The following HPF1 variants were observed in gnomAD, a reference collection of about 807,000 sequenced individuals.
HPF1 encodes the protein histone PARylation factor 1, also known as UPF0609 protein C4orf27.
HPF1 carries 35 observed loss-of-function variants against 38.8 expected under a neutral mutation model. That is an observed-to-expected ratio of 0.90 (90% CI 0.69 to 1.19). The LOEUF (loss-of-function observed/expected upper bound fraction) is 1.19, where lower values mean the gene tolerates loss of function less well. HPF1 is among the 50% of genes most tolerant of loss of function. HPF1 has a pLI of 0.00. For missense variants in HPF1, 367 were observed against 405.8 expected (o/e 0.90, Z 0.82); for synonymous variants, 115 against 139.2 (o/e 0.83, Z 1.22).
chr4:169,745,247 C>T (rs1252412893), intron 4 of HPF1, among the ~76,000 whole-genome samples: 2 of 152,180 alleles, frequency 1.3e-5, no homozygotes, highest in African/African-American at 2.4e-5. Flanking sequence ...CTGCACTAAA[C>T]CCTGGGGCAG....
intron 4 of HPF1, among the ~76,000 whole-genome samples, chr4:169,745,086 C>G (rs149218220): frequency 6.6e-6 from 1 of 152,170 alleles, no homozygotes; most frequent in South Asian, 2.1e-4. Context: ...TCGCCAATTT[C>G]AGAGTAGGGT....
At chr4:169,755,468 A>C (rs978867055) in intron 1 of HPF1, among the ~76,000 whole-genome samples, 1 of 152,042 alleles carries the variant, frequency 6.6e-6, no homozygotes, top group African/African-American at 2.4e-5. Context: ...AGATTTGGGG[A>C]TATATGGAAA....
intron 4 of HPF1, among the ~76,000 whole-genome samples, chr4:169,742,741 G>A (rs528369282): frequency 1.4e-4 from 21 of 152,012 alleles, no homozygotes; most frequent in Middle Eastern, 3.4e-3. Context: ...GCAGTGAACC[G>A]AGATCGCGCC....
chr4:169,735,348 T>C (rs1328565824), intron 6 of HPF1, among the ~76,000 whole-genome samples: 2 of 152,146 alleles, frequency 1.3e-5, no homozygotes, highest in Non-Finnish European at 2.9e-5. Flanking sequence ...TAAAGCGTTA[T>C]TGTGAGAAGC....
chr4:169,733,796 T>C (rs982237723), intron 6 of HPF1, among the ~76,000 whole-genome samples: 2 of 150,298 alleles, frequency 1.3e-5, no homozygotes, highest in African/African-American at 4.9e-5. Flanking sequence ...CTTGGGAGGC[T>C]GAGGTGGGAG....
In HPF1 at chr4:169,751,545, C is replaced by T. The variant is rs973301274; in HGVS notation, c.209-820G>A. Among the ~76,000 whole-genome samples, 7 of 152,262 alleles carry T rather than the reference C, an allele frequency of 4.6e-5. No individual in the cohort carries two copies. The East Asian group carries it at 7.7e-4, about 17-fold the overall frequency. On this transcript the variant is annotated intron_variant, in intron 2 of 7. Coordinates refer to ENST00000393381, the MANE Select transcript of HPF1 (RefSeq NM_017867.3). ...TGACTCCATCTTCCTTCTCTATTCACGGATCACAGACAGGGAGTGTTCATA... is the reference window on the plus strand; with the variant it reads ...TGACTCCATCTTCCTTCTCTATTCATGGATCACAGACAGGGAGTGTTCATA...
At position 169,750,240 on chromosome 4, in the gene HPF1, C is replaced by T. The variant is rs182947132; in HGVS notation, c.398+296G>A. On this transcript the variant is annotated intron_variant, in intron 3 of 7. Transcript: ENST00000393381. ...TCTTAACTACCAGTTGCCACTCTGG[C>T]ACACGGCTTATTAAGCACAGCTGCT... 1.1e-4 allele frequency among the ~76,000 whole-genome samples: 17 copies of T among 152,254 alleles called. No individual in the cohort carries two copies. The East Asian group carries it at 2.5e-3, about 22-fold the overall frequency.
intron 2 of HPF1, among the ~76,000 whole-genome samples, chr4:169,751,868 T>A (rs114213885): frequency 0.021 from 3,207 of 152,304 alleles, 133 homozygotes; most frequent in African/African-American, 0.073. Context: ...TAGTCTATTA[T>A]ACAGTAACAA....
chr4:169,741,133 C>A (rs1392901914), intron 5 of HPF1, among the ~76,000 whole-genome samples: 1 of 152,138 alleles, frequency 6.6e-6, no homozygotes, highest in African/African-American at 2.4e-5. Flanking sequence ...ACAAATGTCA[C>A]CCCTGCAGCT....
In HPF1 at chr4:169,729,592, G is replaced by A; in HGVS notation, c.1027C>T (p.Gln343Ter). 6.4e-7 allele frequency: 1 copy of A among 1,553,792 alleles called. No individual in the cohort carries two copies. The highest frequency in any genetic ancestry group is 8.7e-7 in the Non-Finnish European group (1 of 1,151,596). ...AGCCACCTTACTCATGCAGCAAGTT[G>A]GTCTATGTTCTCTTGACTTCTGTTT... ...LANRSQENIDQLAA is the reference protein window; with the variant it reads ...LANRSQENID The change falls in exon 8 of 8, where the codon CAA (glutamine) becomes TAA (stop). Residue 343 changes from glutamine to a stop codon, truncating the protein, a stop_gained. Coordinates refer to ENST00000393381, the MANE Select transcript of HPF1 (RefSeq NM_017867.3). LOFTEE classifies it high-confidence loss of function.
intron 1 of HPF1, among the ~76,000 whole-genome samples, chr4:169,757,146 A>T (rs1032828291): frequency 3.3e-5 from 5 of 152,148 alleles, no homozygotes; most frequent in African/African-American, 1.2e-4. Context: ...GAGAATGCAC[A>T]CACTCTCTCC....
chr4:169,741,330 C>T (rs557350624), intron 5 of HPF1, among the ~76,000 whole-genome samples: 11 of 151,706 alleles, frequency 7.3e-5, no homozygotes, highest in Non-Finnish European at 1.3e-4. Flanking sequence ...ATTCCAGTGA[C>T]AAATTTTTTT....
intron 6 of HPF1, among the ~76,000 whole-genome samples, chr4:169,735,980 ATTTT>A (rs1223802772): frequency 6.6e-6 from 1 of 151,812 alleles, no homozygotes. Flanking sequence ...AAATTAAGAT[ATTTT>A]ATTTAACCCA....
chr4:169,731,652 G>C, intron 7 of HPF1, 52 bp downstream of exon 7: 1 of 1,378,092 alleles, frequency 7.3e-7, no homozygotes, highest in Non-Finnish European at 9.7e-7. Context: ...ATGTCGCGGG[G>C]AGAGGAGGGA....
At chr4:169,750,753 C>T in intron 2 of HPF1, 28 bp from the exon 3 acceptor site, 1 of 1,487,802 alleles carries the variant, frequency 6.7e-7, no homozygotes, top group Non-Finnish European at 9.2e-7. Context: ...TTAGACAATA[C>T]TTTCTGGAGA....
rs1581310099 is a variant in HPF1, at chr4:169,729,678, G to A, written c.941C>T (p.Pro314Leu). The change falls in exon 8 of 8, where the codon CCT (proline) becomes CTT (leucine). Residue 314 changes from proline to leucine, a missense_variant. Transcript: ENST00000393381. ...CCTCTTCAACAGATTATATGCAAGA[G>A]GTAAAAGCTGGCCAGCAACTTTATG... is the stretch of plus-strand genomic sequence containing the variant. ...YFHKVAGQLL[P>L]LAYNLLKRNL... The A allele has an allele frequency of 1.4e-5, 21 of 1,552,532 alleles. No homozygotes were observed. The highest frequency in any genetic ancestry group is 1.7e-5 in the Non-Finnish European group (20 of 1,152,628).
chr4:169,738,168 A>C (rs1320233914), intron 5 of HPF1, among the ~76,000 whole-genome samples: 1 of 152,228 alleles, frequency 6.6e-6, no homozygotes, highest in African/African-American at 2.4e-5. Context: ...ATGGTAGGAC[A>C]GAACTCCTCT....
chr4:169,729,472 C>A lies in HPF1; in HGVS notation c.*106G>T. The A allele has an allele frequency of 9.7e-7, 1 of 1,034,110 alleles. No individual in the cohort carries two copies. Among genetic ancestry groups the A allele is most frequent in the East Asian group, 3.0e-5 (1 of 33,838 alleles). 64.1% of individuals were successfully genotyped at this position (1,034,110 alleles called of 1,614,324 possible). ...AAACCAGGCAGAAGAACCTTATAAA[C>A]GTTTTTAGTAAATGTTTATTTTTTG... On this transcript the variant is annotated 3_prime_UTR_variant, in exon 8 of 8. Transcript: ENST00000393381.
chr4:169,742,437 T>C (rs1733981212), intron 4 of HPF1, among the ~76,000 whole-genome samples: 2 of 152,290 alleles, frequency 1.3e-5, no homozygotes, highest in South Asian at 2.1e-4. Context: ...TATGGCATAC[T>C]ACTTTGGAGA....
Sources: allele counts gnomAD v4.1 joint callset (sites outside exome capture counted in the v4.1 genomes callset), GRCh38; gene constraint gnomAD v4.1.1; transcripts MANE v1.5; gene names NCBI Gene and HGNC (gene_info 2026-07-23, HGNC 2026-07-21).